EXOC4: variants seen among roughly 807,000 people sequenced by gnomAD.
EXOC4 encodes the protein exocyst complex component 4, also known as SEC8-like 1.
In EXOC4, 71 loss-of-function variants were observed where a neutral mutation model predicts 107.2. The observed-to-expected ratio is 0.66, with a 90% CI of 0.55 to 0.81. EXOC4 has a LOEUF of 0.81. Among genes scored for constraint, EXOC4 ranks in the 30% least tolerant of loss-of-function variants. The pLI, the probability that EXOC4 is intolerant of heterozygous loss-of-function variation, is 0.00. For synonymous variants in EXOC4, 456 were observed against 441.2 expected (o/e 1.03, Z -0.42); for missense variants, 1,108 against 1,189.6 (o/e 0.93, Z 1.01).
chr7:133,603,412 T>A (rs1338607534), intron 9 of EXOC4, among the ~76,000 whole-genome samples: 4 of 152,200 alleles, frequency 2.6e-5, no homozygotes, highest in African/African-American at 7.2e-5. Context: ...GAGAAATGCA[T>A]CATTAGGTGA....
At chr7:133,298,470 G>A (rs1353870259) in intron 3 of EXOC4, among the ~76,000 whole-genome samples, 1 of 152,134 alleles carries the variant, frequency 6.6e-6, no homozygotes, top group African/African-American at 2.4e-5. Context: ...AAAGAGAATG[G>A]CTTTTCTAGT....
At chr7:133,736,313 C>G (rs899795159) in intron 10 of EXOC4, among the ~76,000 whole-genome samples, 1 of 152,140 alleles carries the variant, frequency 6.6e-6, no homozygotes, top group African/African-American at 2.4e-5. Context: ...TTTGCCTCAT[C>G]ATTCTGTGTA....
chr7:133,781,053 C>T (rs933311918), intron 10 of EXOC4, among the ~76,000 whole-genome samples: 6 of 152,172 alleles, frequency 3.9e-5, no homozygotes, highest in Non-Finnish European at 5.9e-5. Context: ...GCAACCCCAA[C>T]AGGAGTAGAA....
At chr7:133,883,119 GA>G (rs1563041994) in intron 11 of EXOC4, among the ~76,000 whole-genome samples, 1 of 152,002 alleles carries the variant, frequency 6.6e-6, no homozygotes, top group Non-Finnish European at 1.5e-5. Flanking sequence ...CCCTGATTTT[GA>G]ACTACAATAA....
At chr7:133,792,302 C>G (rs1796719363) in intron 10 of EXOC4, among the ~76,000 whole-genome samples, 1 of 152,086 alleles carries the variant, frequency 6.6e-6, no homozygotes, top group Non-Finnish European at 1.5e-5. Flanking sequence ...CCTGTAATCT[C>G]AGCACTTCGG....
At chr7:133,619,570 A>G (rs1802276735) in intron 9 of EXOC4, among the ~76,000 whole-genome samples, 1 of 152,154 alleles carries the variant, frequency 6.6e-6, no homozygotes, top group Non-Finnish European at 1.5e-5. Context: ...CTAGCCAACC[A>G]TACGCTTTAG....
intron 9 of EXOC4, among the ~76,000 whole-genome samples, chr7:133,606,340 T>C (rs1351934601): frequency 6.6e-6 from 1 of 152,006 alleles, no homozygotes; most frequent in Non-Finnish European, 1.5e-5. Flanking sequence ...TACATCTCTG[T>C]TTCCTTCCAG....
chr7:133,922,933 C>G (rs933404153), intron 13 of EXOC4, among the ~76,000 whole-genome samples: 4 of 150,496 alleles, frequency 2.7e-5, no homozygotes, highest in African/African-American at 9.7e-5. Flanking sequence ...ATACATTCAT[C>G]ATTCTGCTGG....
chr7:133,257,142 G>C (rs1795036451), intron 1 of EXOC4, among the ~76,000 whole-genome samples: 1 of 152,252 alleles, frequency 6.6e-6, no homozygotes, highest in South Asian at 2.1e-4. Flanking sequence ...TAGGTGAGGG[G>C]ACAGATAGTG....
intron 9 of EXOC4, among the ~76,000 whole-genome samples, chr7:133,589,877 C>G (rs1585017273): frequency 6.6e-6 from 1 of 152,272 alleles, no homozygotes; most frequent in Middle Eastern, 3.4e-3. Context: ...CATAAAGAAT[C>G]AATAATTTTG....
chr7:133,813,631 T>A (rs1229892273), intron 10 of EXOC4, among the ~76,000 whole-genome samples: 1 of 152,104 alleles, frequency 6.6e-6, no homozygotes, highest in Non-Finnish European at 1.5e-5. Flanking sequence ...TGCTTAACCA[T>A]CTACTTTTAT....
intron 11 of EXOC4, among the ~76,000 whole-genome samples, chr7:133,833,794 G>T (rs1026681484): frequency 2.0e-5 from 3 of 152,036 alleles, no homozygotes; most frequent in Non-Finnish European, 4.4e-5. Flanking sequence ...CAAACTCCTG[G>T]GCTCAAGCGA....
chr7:133,843,896 C>G (rs1210818724), intron 11 of EXOC4, among the ~76,000 whole-genome samples: 2 of 152,060 alleles, frequency 1.3e-5, no homozygotes. Flanking sequence ...TATGGACAGC[C>G]TTTTCTGCAT....
chr7:133,275,140 G>C lies in EXOC4; in HGVS notation c.245G>C (p.Arg82Pro). 1 of 1,601,186 alleles carries C rather than the reference G, an allele frequency of 6.2e-7. No homozygotes were observed. Among genetic ancestry groups the C allele is most frequent in the Non-Finnish European group, 8.5e-7 (1 of 1,173,526 alleles). The change falls in exon 2 of 18, where the codon CGC becomes CCC. Residue 82 changes from arginine to proline, a missense_variant. Coordinates refer to ENST00000253861, the MANE Select transcript of EXOC4 (RefSeq NM_021807.4). Reference protein sequence around the residue: ...AIRTYQSITERITNSRNKIKQ... With the variant: ...AIRTYQSITEPITNSRNKIKQ... ...CGCACATACCAGAGCATCACAGAGC[G>C]CATCACTAACTCCCGAAATAAAATA...
In EXOC4 at chr7:133,267,238, C is replaced by T. The variant is rs117121528; in HGVS notation, c.87-7744C>T. ...AAGGTTATCAGGCTTTGGCTGGGTG[C>T]TCTTCCCCGAGTAGTTTCATAGAAC... On this transcript the variant is annotated intron_variant, in intron 1 of 17. Transcript: ENST00000253861. Among the ~76,000 whole-genome samples, 51 of 152,298 alleles carry T rather than the reference C, an allele frequency of 3.3e-4. No individual in the cohort carries two copies. In the East Asian group the frequency reaches 9.8e-3, roughly 29 times the overall value.
At chr7:133,518,540 A>G (rs1454338559) in intron 9 of EXOC4, among the ~76,000 whole-genome samples, 1 of 151,986 alleles carries the variant, frequency 6.6e-6, no homozygotes, top group Non-Finnish European at 1.5e-5. Flanking sequence ...GATATTTTAT[A>G]CCCATGTTCA....
intron 10 of EXOC4, among the ~76,000 whole-genome samples, chr7:133,766,003 C>G (rs1796131757): frequency 6.6e-6 from 1 of 151,974 alleles, no homozygotes; most frequent in Admixed American, 6.6e-5. Context: ...AGGATGATAT[C>G]TGGTAAAGTT....
chr7:133,944,638 T>A lies in EXOC4; in HGVS notation c.2206+6569T>A, dbSNP rs1800508439. 2.0e-5 allele frequency among the ~76,000 whole-genome samples: 3 copies of A among 152,244 alleles called. No individual in the cohort carries two copies. In the South Asian group the frequency reaches 6.2e-4, roughly 31 times the overall value. On this transcript the variant is annotated intron_variant, in intron 14 of 17. Transcript: ENST00000253861. ...AATTGCTTATCTTTCTAGTGGCTAT[T>A]TTTTTAACATGATAGAAGCATCTTA...
chr7:133,267,508 C>T (rs1345297654), intron 1 of EXOC4, among the ~76,000 whole-genome samples: 18 of 152,140 alleles, frequency 1.2e-4, no homozygotes, highest in African/African-American at 2.7e-4. Context: ...CATCTTTATC[C>T]GAGAGGCCCT....
Sources: gnomAD v4.1 joint callset for allele counts (sites outside exome capture counted in the v4.1 genomes callset) on GRCh38, gnomAD v4.1.1 for gene constraint, MANE v1.5 for transcripts, NCBI Gene and HGNC (gene_info 2026-07-23, HGNC 2026-07-21) for gene names.